The following PTPRD variants were observed in gnomAD, a reference collection of about 807,000 sequenced individuals.
PTPRD encodes the protein receptor-type tyrosine-protein phosphatase delta.
Under a neutral mutation model 214.5 loss-of-function variants are expected in PTPRD, and 34 were observed. That is an observed-to-expected ratio of 0.16 (90% CI 0.12 to 0.21). The LOEUF is 0.21. Ranked by LOEUF, PTPRD falls within the 10% of genes least tolerant of loss-of-function variation. The probability of loss-of-function intolerance (pLI) is 1.00; values close to 1 mark genes in which losing one functional copy is unlikely to be tolerated. For synonymous variants in PTPRD, 1,128 were observed against 845.7 expected (o/e 1.33, Z -5.79); for missense variants, 2,545 against 2,398.7 (o/e 1.06, Z -1.27).
At chr9:9,941,834 A>T (rs61067452) in intron 4 of PTPRD, among the ~76,000 whole-genome samples, 13,341 of 152,154 alleles carry the variant, frequency 0.088, 1,930 homozygotes, top group African/African-American at 0.3. Context: ...ATTCATTCCA[A>T]GGTTGCCAAA....
At chr9:10,331,288 T>G (rs188748214) in intron 3 of PTPRD, among the ~76,000 whole-genome samples, 1 of 151,948 alleles carries the variant, frequency 6.6e-6, no homozygotes, top group East Asian at 2.0e-4. Context: ...GCCATGGCTT[T>G]GGACCCCTGC....
At chr9:9,044,626 G>A (rs561954652) in intron 10 of PTPRD, among the ~76,000 whole-genome samples, 1 of 152,186 alleles carries the variant, frequency 6.6e-6, no homozygotes. Context: ...GCACTTTAGA[G>A]AAAGCACATC....
chr9:9,994,855 T>C (rs2096068467), intron 4 of PTPRD, among the ~76,000 whole-genome samples: 1 of 152,062 alleles, frequency 6.6e-6, no homozygotes, highest in African/African-American at 2.4e-5. Flanking sequence ...TAGGTGAGAG[T>C]AGTTAAGTCT....
At chr9:8,478,493 T>C (rs2096812505) in intron 30 of PTPRD, among the ~76,000 whole-genome samples, 1 of 151,432 alleles carries the variant, frequency 6.6e-6, no homozygotes, top group African/African-American at 2.5e-5. Flanking sequence ...ATTGAGTACC[T>C]TCTGGTAGTT....
intron 8 of PTPRD, among the ~76,000 whole-genome samples, chr9:9,530,386 A>G (rs2075185497): frequency 6.6e-6 from 1 of 152,216 alleles, no homozygotes; most frequent in Admixed American, 6.5e-5. Context: ...TGGAACACAT[A>G]GAGGAAATGG....
intron 9 of PTPRD, among the ~76,000 whole-genome samples, chr9:9,380,036 G>A (rs1168403311): frequency 6.6e-6 from 1 of 151,704 alleles, no homozygotes; most frequent in Non-Finnish European, 1.5e-5. Flanking sequence ...ACATTAACTA[G>A]GACTTCAAAT....
chr9:8,735,309 A>G (rs905542360), intron 11 of PTPRD, among the ~76,000 whole-genome samples: 13 of 151,738 alleles, frequency 8.6e-5, no homozygotes, highest in African/African-American at 2.7e-4. Flanking sequence ...ATGCCTGGGT[A>G]ATTTTTGTAC....
At chr9:8,970,100 C>T (rs1336084385) in intron 11 of PTPRD, among the ~76,000 whole-genome samples, 1 of 151,848 alleles carries the variant, frequency 6.6e-6, no homozygotes, top group Non-Finnish European at 1.5e-5. Context: ...TGTGGAGTTG[C>T]CATGTGTTCA....
chr9:9,708,521 T>C (rs1564670742), intron 7 of PTPRD, among the ~76,000 whole-genome samples: 1 of 152,114 alleles, frequency 6.6e-6, no homozygotes, highest in Non-Finnish European at 1.5e-5. Context: ...TCATTATTCC[T>C]ATACTAGTGA....
chr9:8,427,033 G>T (rs2094723959), intron 35 of PTPRD, among the ~76,000 whole-genome samples: 1 of 152,116 alleles, frequency 6.6e-6, no homozygotes, highest in Admixed American at 6.5e-5. Context: ...GATGCCAAAA[G>T]CAGCCCACTG....
chr9:9,490,333 A>G (rs535466810), intron 8 of PTPRD, among the ~76,000 whole-genome samples: 1 of 152,118 alleles, frequency 6.6e-6, no homozygotes, highest in Non-Finnish European at 1.5e-5. Context: ...ATCTCAATAT[A>G]GATAAATATA....
chr9:8,955,931 C>G (rs2099129301), intron 11 of PTPRD, among the ~76,000 whole-genome samples: 1 of 151,902 alleles, frequency 6.6e-6, no homozygotes, highest in Non-Finnish European at 1.5e-5. Flanking sequence ...TACATTAAAT[C>G]TGTCTCCATA....
chr9:9,130,437 CTG>C (rs2099840824), intron 10 of PTPRD, among the ~76,000 whole-genome samples: 1 of 152,168 alleles, frequency 6.6e-6, no homozygotes, highest in African/African-American at 2.4e-5. Flanking sequence ...TTCTGTTTCA[CTG>C]TGTTACTAAT....
chr9:10,098,215 C>T (rs994283091), intron 3 of PTPRD, among the ~76,000 whole-genome samples: 7 of 151,400 alleles, frequency 4.6e-5, no homozygotes, highest in Admixed American at 1.3e-4. Flanking sequence ...AAGCTGGAAA[C>T]CGTCATTCTC....
At chr9:9,914,972 G>C (rs2080283242) in intron 5 of PTPRD, among the ~76,000 whole-genome samples, 1 of 152,184 alleles carries the variant, frequency 6.6e-6, no homozygotes, top group Non-Finnish European at 1.5e-5. Context: ...AACCCAGTGA[G>C]CCAGACACCA....
intron 4 of PTPRD, among the ~76,000 whole-genome samples, chr9:10,004,725 A>C (rs2096431613): frequency 6.6e-6 from 1 of 152,060 alleles, no homozygotes; most frequent in South Asian, 2.1e-4. Flanking sequence ...TATAAACACC[A>C]AACTTTATAA....
At chr9:10,107,729 T>C (rs531098611) in intron 3 of PTPRD, among the ~76,000 whole-genome samples, 20 of 152,110 alleles carry the variant, frequency 1.3e-4, no homozygotes, top group Admixed American at 3.3e-4. Flanking sequence ...ATGTAGTATG[T>C]GCTAAATAAA....
chr9:9,884,777 G>C (rs529915293), intron 5 of PTPRD, among the ~76,000 whole-genome samples: 24 of 152,202 alleles, frequency 1.6e-4, no homozygotes, highest in African/African-American at 5.1e-4. Context: ...GTTTTATAAG[G>C]GGCTTTTCCC....
chr9:8,738,929 A>G (rs910424837), intron 11 of PTPRD, among the ~76,000 whole-genome samples: 2 of 152,230 alleles, frequency 1.3e-5, no homozygotes, highest in Non-Finnish European at 2.9e-5. Flanking sequence ...ATACATGCAT[A>G]AAAGATATGC....
Sources: gnomAD v4.1 joint callset for allele counts (sites outside exome capture counted in the v4.1 genomes callset) on GRCh38, gnomAD v4.1.1 for gene constraint, MANE v1.5 for transcripts, NCBI Gene and HGNC (gene_info 2026-07-23, HGNC 2026-07-21) for gene names.